HNRNPF: variants seen among roughly 807,000 people sequenced by gnomAD.
HNRNPF encodes heterogeneous nuclear ribonucleoprotein F.
A neutral mutation model predicts 26.0 loss-of-function variants in HNRNPF; 2 were observed. The ratio of observed to expected loss-of-function variants is 0.08; its 90% confidence interval spans 0.03 to 0.24. HNRNPF has a LOEUF of 0.24. HNRNPF is among the 10% of genes least tolerant of loss of function. The pLI is 1.00. For missense variants in HNRNPF, 299 were observed against 539.2 expected, an observed-to-expected ratio of 0.55 and a Z score of 4.41; for synonymous variants, 234 against 211.5, an observed-to-expected ratio of 1.11 and a Z score of -0.92.
intron 3 of HNRNPF, among the ~76,000 whole-genome samples, chr10:43,393,690 G>T (rs1838346354): frequency 6.6e-6 from 1 of 151,900 alleles, no homozygotes; most frequent in African/African-American, 2.4e-5. Flanking sequence ...TTACTGTCCT[G>T]CATCCAAGTC....
At chr10:43,397,974 TAG>T (rs1491168199) in intron 1 of HNRNPF, among the ~76,000 whole-genome samples, 42 of 152,332 alleles carry the variant, frequency 2.8e-4, no homozygotes, top group Non-Finnish European at 4.3e-4. Context: ...GATGTATACA[TAG>T]AGTTTCATTA....
rs1445834935 is a variant in HNRNPF, at chr10:43,387,282, G to C, written c.603C>G (p.Phe201Leu). ...VRSYSDPPLK[F>L]MSVQRPGPYD... ...AGGGCCCTGGCCGCTGCACGGACAT[G>C]AACTTCAGAGGGGGATCTGAGTATG... Residue 201 changes from phenylalanine to leucine, a missense_variant, in exon 4 of 4, where the codon TTC (phenylalanine) becomes TTG (leucine). Transcript: ENST00000682386. This position sits in a 1 kb window ranked among gnomAD's most constrained non-coding sequence, Gnocchi z 6.0. 6.2e-7 allele frequency: 1 copy of C among 1,614,220 alleles called. No homozygotes were observed. The highest frequency in any genetic ancestry group is 8.5e-7 in the Non-Finnish European group (1 of 1,180,034).
intron 1 of HNRNPF, among the ~76,000 whole-genome samples, chr10:43,403,036 G>A (rs1838801346): frequency 6.6e-6 from 1 of 151,892 alleles, no homozygotes; most frequent in East Asian, 1.9e-4. Context: ...GAAAAGATAG[G>A]GTCTTGCCAT....
chr10:43,386,890 T>A lies in HNRNPF; in HGVS notation c.995A>T (p.Asp332Val). The A allele has an allele frequency of 6.2e-7, 1 of 1,614,184 alleles. No individual in the cohort carries two copies. The highest frequency in any genetic ancestry group is 8.5e-7 in the Non-Finnish European group (1 of 1,180,032). Reference sequence around the variant, plus strand: ...TTCTTCATGAGTAGCAAACTCAACATCTGCTTCACCCGTCACTCTTCCATC... The same window carrying A: ...TTCTTCATGAGTAGCAAACTCAACAACTGCTTCACCCGTCACTCTTCCATC... ...GPDGRVTGEADVEFATHEEAV... is the reference protein window; with the variant it reads ...GPDGRVTGEAVVEFATHEEAV... The change falls in exon 4 of 4, where the codon GAT becomes GTT. Residue 332 changes from aspartate (D) to valine (V), a missense_variant. By Grantham distance (152) the Asp-to-Val change is radical. This residue lies in a region of HNRNPF where 36 missense variants were observed against 93.8 expected (regional missense o/e 0.38). Transcript: ENST00000682386.
chr10:43,395,920 C>T (rs1238818588), intron 2 of HNRNPF, among the ~76,000 whole-genome samples: 2 of 152,180 alleles, frequency 1.3e-5, no homozygotes, highest in Non-Finnish European at 2.9e-5. Context: ...GAGGAAGAGT[C>T]TGGTCTCCCC....
intron 2 of HNRNPF, among the ~76,000 whole-genome samples, chr10:43,395,608 C>T (rs2131975435): frequency 6.6e-6 from 1 of 152,266 alleles, no homozygotes; most frequent in African/African-American, 2.4e-5. Flanking sequence ...AAATGGAAAG[C>T]ATTACATTTA....
intron 1 of HNRNPF, among the ~76,000 whole-genome samples, chr10:43,405,202 A>G (rs1483301478): frequency 6.6e-6 from 1 of 152,262 alleles, no homozygotes; most frequent in Non-Finnish European, 1.5e-5. Context: ...TAAATTATTA[A>G]TACAATGAAT....
At chr10:43,390,724 G>T (rs976597521) in intron 3 of HNRNPF, among the ~76,000 whole-genome samples, 6 of 152,158 alleles carry the variant, frequency 3.9e-5, no homozygotes, top group Non-Finnish European at 4.4e-5. Flanking sequence ...ACAAATATCT[G>T]ACTACTCCAT....
chr10:43,388,660 T>C (rs1005750057), intron 3 of HNRNPF, among the ~76,000 whole-genome samples: 4 of 152,238 alleles, frequency 2.6e-5, no homozygotes, highest in East Asian at 1.9e-4. Context: ...ACATAAAATA[T>C]AGCAGAATTG....
At chr10:43,397,072 G>A (rs1564397021) in intron 1 of HNRNPF, 1 of 152,188 alleles carries the variant, frequency 6.6e-6, no homozygotes, top group Non-Finnish European at 1.5e-5. Context: ...GGGAAGGGAA[G>A]AGGCGCTCGT....
chr10:43,389,058 C>A (rs1165053437), intron 3 of HNRNPF, among the ~76,000 whole-genome samples: 2 of 150,824 alleles, frequency 1.3e-5, no homozygotes, highest in Non-Finnish European at 2.9e-5. Context: ...GCAACCTCCG[C>A]CTCCTGGGTT....
chr10:43,400,520 T>C (rs1042757958), intron 1 of HNRNPF, among the ~76,000 whole-genome samples: 3 of 152,216 alleles, frequency 2.0e-5, no homozygotes, highest in African/African-American at 7.2e-5. Flanking sequence ...TTATGGATGT[T>C]TTCCTTTTCT....
At chr10:43,398,932 T>C (rs1838661351) in intron 1 of HNRNPF, among the ~76,000 whole-genome samples, 1 of 152,150 alleles carries the variant, frequency 6.6e-6, no homozygotes, top group Admixed American at 6.5e-5. Flanking sequence ...TGTGGGAAAC[T>C]ACAAGGACAA....
At chr10:43,401,438 T>C (rs553585768) in intron 1 of HNRNPF, among the ~76,000 whole-genome samples, 10 of 152,360 alleles carry the variant, frequency 6.6e-5, no homozygotes, top group Non-Finnish European at 1.3e-4. Flanking sequence ...CTGTTTGATA[T>C]TGACTGCATT....
rs368874132 is a variant in HNRNPF, at chr10:43,391,407, G to C, written c.-53+3223C>G. On this transcript the variant is annotated intron_variant, in intron 3 of 3. Coordinates refer to ENST00000682386, the MANE Select transcript of HNRNPF (RefSeq NM_001098204.2). ...CAGGAAGCGGAGTTTTCAGTGAGTGGAGATCGCACCATTGTACTCCAGCCC... is the reference window on the plus strand; with the variant it reads ...CAGGAAGCGGAGTTTTCAGTGAGTGCAGATCGCACCATTGTACTCCAGCCC... 3.3e-5 allele frequency among the ~76,000 whole-genome samples: 5 copies of C among 151,516 alleles called. No individual in the cohort carries two copies. The East Asian group carries it at 9.7e-4, about 29-fold the overall frequency.
At chr10:43,400,666 T>C (rs1838723935) in intron 1 of HNRNPF, among the ~76,000 whole-genome samples, 1 of 152,212 alleles carries the variant, frequency 6.6e-6, no homozygotes, top group Admixed American at 6.5e-5. Context: ...AAGACACTAA[T>C]TCCATTTAAA....
At chr10:43,390,937 C>T (rs56366416) in intron 3 of HNRNPF, among the ~76,000 whole-genome samples, 4,914 of 152,134 alleles carry the variant, frequency 0.032, 263 homozygotes, top group African/African-American at 0.11. Flanking sequence ...CCAGTTCTGA[C>T]AACCGAATGT....
At chr10:43,390,674 T>C (rs1376680347) in intron 3 of HNRNPF, among the ~76,000 whole-genome samples, 1 of 152,198 alleles carries the variant, frequency 6.6e-6, no homozygotes, top group Non-Finnish European at 1.5e-5. Flanking sequence ...ACTTCTTAAC[T>C]GTACGCGCCC....
chr10:43,389,779 T>C (rs533235481), intron 3 of HNRNPF, among the ~76,000 whole-genome samples: 3 of 152,328 alleles, frequency 2.0e-5, no homozygotes, highest in African/African-American at 7.2e-5. Flanking sequence ...TTTCAAAGTA[T>C]ACAGCCTAAC....
Sources: allele counts gnomAD v4.1 joint callset (sites outside exome capture counted in the v4.1 genomes callset), GRCh38; gene constraint gnomAD v4.1.1; regional missense constraint gnomAD v4.1.1; non-coding constraint Gnocchi (gnomAD v3.1); transcripts MANE v1.5; gene names NCBI Gene and HGNC (gene_info 2026-07-23, HGNC 2026-07-21).